LRP1B: variants seen among roughly 807,000 people sequenced by gnomAD.
LRP1B encodes the protein low-density lipoprotein receptor-related protein 1B.
Under a neutral mutation model 556.6 loss-of-function variants are expected in LRP1B, and 217 were observed. The ratio of observed to expected loss-of-function variants is 0.39; its 90% CI spans 0.35 to 0.44. The LOEUF is 0.44. Ranked by LOEUF, LRP1B falls within the 20% of genes least tolerant of loss-of-function variation. LRP1B has a pLI of 1.00. For missense variants in LRP1B, 5,053 were observed against 5,620.8 expected, an observed-to-expected ratio of 0.90 and a Z score of 3.23; for synonymous variants, 2,047 against 1,865.8, an observed-to-expected ratio of 1.10 and a Z score of -2.50.
intron 3 of LRP1B, among the ~76,000 whole-genome samples, chr2:141,464,598 A>ATTT (rs199589153): frequency 0.046 from 3,360 of 73,252 alleles, 160 homozygotes; most frequent in East Asian, 0.12. Flanking sequence ...ATATATATAT[A>ATTT]TATATATATT....
intron 1 of LRP1B, among the ~76,000 whole-genome samples, chr2:142,011,434 A>C (rs1281310082): frequency 6.6e-6 from 1 of 152,192 alleles, no homozygotes; most frequent in Non-Finnish European, 1.5e-5. Flanking sequence ...AAAGCGTAGT[A>C]ACCCCTTTTC....
At chr2:140,298,502 A>G (rs887967561) in intron 83 of LRP1B, among the ~76,000 whole-genome samples, 6 of 152,286 alleles carry the variant, frequency 3.9e-5, no homozygotes, top group South Asian at 2.1e-4. Context: ...ACATTACTCT[A>G]TTTGACTTAA....
intron 6 of LRP1B, among the ~76,000 whole-genome samples, chr2:141,228,112 G>T (rs1044947269): frequency 5.9e-5 from 9 of 152,104 alleles, no homozygotes; most frequent in African/African-American, 1.9e-4. Context: ...TTTTGGTAGA[G>T]ATGGGGTTTG....
At chr2:141,593,953 T>C (rs1687426907) in intron 2 of LRP1B, among the ~76,000 whole-genome samples, 1 of 152,088 alleles carries the variant, frequency 6.6e-6, no homozygotes, top group African/African-American at 2.4e-5. Context: ...AGAACTCATC[T>C]TCCTGCTTGG....
intron 20 of LRP1B, among the ~76,000 whole-genome samples, chr2:140,929,537 A>C (rs1292016875): frequency 3.9e-5 from 6 of 152,100 alleles, no homozygotes. Flanking sequence ...GTTGTGCTGA[A>C]TGTCTTGGAT....
At chr2:141,253,171 C>T (rs553425253) in intron 4 of LRP1B, among the ~76,000 whole-genome samples, 6 of 152,176 alleles carry the variant, frequency 3.9e-5, no homozygotes, top group African/African-American at 7.2e-5. Flanking sequence ...GGAAAGAGCA[C>T]GAATGTTCAA....
intron 2 of LRP1B, among the ~76,000 whole-genome samples, chr2:141,631,866 A>C (rs993613862): frequency 1.3e-5 from 2 of 152,184 alleles, no homozygotes; most frequent in Non-Finnish European, 2.9e-5. Flanking sequence ...GAAAGGCTAT[A>C]ATTATCAAGA....
chr2:141,001,515 T>C (rs1697423237), intron 15 of LRP1B, among the ~76,000 whole-genome samples: 1 of 152,086 alleles, frequency 6.6e-6, no homozygotes, highest in African/African-American at 2.4e-5. Flanking sequence ...TTCCCCACCC[T>C]GTGTCCAAGT....
At chr2:140,561,318 T>C (rs1195811819) in intron 43 of LRP1B, among the ~76,000 whole-genome samples, 2 of 152,166 alleles carry the variant, frequency 1.3e-5, no homozygotes. Context: ...AAAAAGAATC[T>C]GACCACACAG....
intron 68 of LRP1B, among the ~76,000 whole-genome samples, chr2:140,374,338 C>G (rs925774113): frequency 3.3e-5 from 5 of 152,146 alleles, no homozygotes; most frequent in African/African-American, 1.2e-4. Context: ...GCAAGTAAAG[C>G]ACGTTGAACT....
At chr2:141,645,848 T>C (rs1196236719) in intron 2 of LRP1B, among the ~76,000 whole-genome samples, 1 of 152,036 alleles carries the variant, frequency 6.6e-6, no homozygotes, top group Non-Finnish European at 1.5e-5. Flanking sequence ...CACACATCCA[T>C]ATAAATAAAT....
At chr2:140,989,236 C>T (rs1193399016) in intron 17 of LRP1B, among the ~76,000 whole-genome samples, 1 of 152,040 alleles carries the variant, frequency 6.6e-6, no homozygotes, top group African/African-American at 2.4e-5. Context: ...ACATCAACCT[C>T]CACTGCCAAG....
At chr2:141,061,917 A>G (rs756133604) in intron 8 of LRP1B, 134 bp downstream of exon 8, 273 of 677,276 alleles carry the variant, frequency 4.0e-4, no homozygotes, top group Non-Finnish European at 6.5e-4. Flanking sequence ...ACATTCTCCA[A>G]TATAGGAAAT....
intron 12 of LRP1B, among the ~76,000 whole-genome samples, chr2:141,017,138 G>C (rs1026738093): frequency 1.3e-5 from 2 of 151,990 alleles, no homozygotes; most frequent in Admixed American, 6.6e-5. Context: ...ATTGTATCTT[G>C]TAATTCCTTA....
intron 7 of LRP1B, among the ~76,000 whole-genome samples, chr2:141,088,343 G>A (rs1700095775): frequency 6.6e-6 from 1 of 152,038 alleles, no homozygotes; most frequent in African/African-American, 2.4e-5. Context: ...TACTCAATGA[G>A]TCTCTTTCTT....
intron 1 of LRP1B, among the ~76,000 whole-genome samples, chr2:142,039,307 G>A (rs113835256): frequency 4.0e-4 from 61 of 151,540 alleles, no homozygotes; most frequent in African/African-American, 1.4e-3. Context: ...ACATTATAAC[G>A]TAAGTGTAAA....
chr2:140,695,873 A>G (rs1047122560), intron 41 of LRP1B, among the ~76,000 whole-genome samples: 1 of 152,196 alleles, frequency 6.6e-6, no homozygotes, highest in African/African-American at 2.4e-5. Flanking sequence ...ATTGTATTTT[A>G]TGGCTATTGT....
intron 3 of LRP1B, among the ~76,000 whole-genome samples, chr2:141,363,540 A>ATTCAATG (rs1419199933): frequency 1.3e-5 from 2 of 152,166 alleles, no homozygotes; most frequent in Non-Finnish European, 2.9e-5. Flanking sequence ...CATAGTAAAT[A>ATTCAATG]TTCAATGAAT....
At chr2:141,418,530 A>G (rs1362388102) in intron 3 of LRP1B, among the ~76,000 whole-genome samples, 1 of 151,450 alleles carries the variant, frequency 6.6e-6, no homozygotes, top group Non-Finnish European at 1.5e-5. Flanking sequence ...CTCTTGTCAA[A>G]GATCATTTGA....
Sources: gnomAD v4.1 joint callset for allele counts (sites outside exome capture counted in the v4.1 genomes callset) on GRCh38, gnomAD v4.1.1 for gene constraint, MANE v1.5 for transcripts, NCBI Gene and HGNC (gene_info 2026-07-23, HGNC 2026-07-21) for gene names.